ACTR3B: variants seen among roughly 807,000 people sequenced by gnomAD.
The protein encoded by ACTR3B is actin related protein 3B.
In ACTR3B, 8 loss-of-function variants were observed where a neutral mutation model predicts 59.0. The observed-to-expected ratio is 0.14, with a 90% CI of 0.08 to 0.24. ACTR3B has a LOEUF of 0.24. Ranked by LOEUF, ACTR3B falls within the 10% of genes least tolerant of loss-of-function variation. ACTR3B has a pLI of 1.00. For synonymous variants in ACTR3B, 148 were observed against 197.9 expected, an observed-to-expected ratio of 0.75 and a Z score of 2.12; for missense variants, 245 against 552.3, an observed-to-expected ratio of 0.44 and a Z score of 5.58.
intron 4 of ACTR3B, among the ~76,000 whole-genome samples, chr7:152,808,043 T>C (rs556042549): frequency 6.6e-6 from 1 of 152,166 alleles, no homozygotes; most frequent in Non-Finnish European, 1.5e-5. Flanking sequence ...CTTTACTCCT[T>C]TACCTGCCCC....
chr7:152,842,244 C>T (rs1472608661), intron 9 of ACTR3B, among the ~76,000 whole-genome samples: 1 of 152,154 alleles, frequency 6.6e-6, no homozygotes, highest in Admixed American at 6.5e-5. Flanking sequence ...AAATTAGGCA[C>T]AGTAAGAGAC....
intron 4 of ACTR3B, chr7:152,812,045 T>TTTTG (rs1795301327): frequency 1.6e-5 from 1 of 63,870 alleles, no homozygotes; most frequent in African/African-American, 4.2e-5. Context: ...TTTTTTTTTT[T>TTTTG]TTTGAGACGG....
chr7:152,807,805 C>T (rs1488764368), intron 4 of ACTR3B, among the ~76,000 whole-genome samples: 3 of 152,198 alleles, frequency 2.0e-5, no homozygotes, highest in East Asian at 1.9e-4. Flanking sequence ...TGCTCTTTTA[C>T]GTATCGTTGT....
rs904797641 is a variant in ACTR3B at position 152,852,312 on chromosome 7, C to T, written c.1077+61C>T. The stretch of plus-strand genomic sequence containing the variant: ...TATTGCCCCAGGCCTGACCGGGGCC[C>T]TCCTGACACAGAGCCGAAGGAGCTT... On this transcript the variant is annotated intron_variant, in intron 10 of 11. Transcript: ENST00000256001. The T allele has an allele frequency of 3.9e-6, 6 of 1,537,048 alleles. No homozygotes were observed. In the African/African-American group the frequency reaches 8.4e-5, roughly 21 times the overall value.
At chr7:152,828,090 G>C (rs1796720056) in intron 9 of ACTR3B, among the ~76,000 whole-genome samples, 1 of 152,144 alleles carries the variant, frequency 6.6e-6, no homozygotes, top group Middle Eastern at 3.4e-3. Context: ...ACAAAAGCAG[G>C]AGAGAGCCTG....
Position 152,759,993 on chromosome 7 carries a change from C to A in ACTR3B, c.44+67C>A, listed in dbSNP as rs963068049. The A allele has an allele frequency of 1.1e-5, 14 of 1,262,016 alleles. No homozygotes were observed. In the African/African-American group the frequency reaches 2.2e-4, roughly 20 times the overall value. The allele number at this position is 1,262,016 out of a possible 1,614,324, so 78.2% of individuals were successfully genotyped here. A position where few individuals can be genotyped will look rare whatever the true frequency, so the allele number is the denominator to read the frequency against. On this transcript the variant is annotated intron_variant, in intron 1 of 11. Transcript: ENST00000256001. ...CGCTCCCGGCCCCTGGCGTCCACCTCGCCTGGAGGTCGAGCTGCGTCCGTC... is the reference window on the plus strand; with the variant it reads ...CGCTCCCGGCCCCTGGCGTCCACCTAGCCTGGAGGTCGAGCTGCGTCCGTC...
intron 2 of ACTR3B, among the ~76,000 whole-genome samples, chr7:152,790,292 C>T (rs548748410): frequency 3.7e-4 from 56 of 152,376 alleles, no homozygotes; most frequent in African/African-American, 1.2e-3. Context: ...CCCACCTACT[C>T]TTAATAGGAG....
intron 1 of ACTR3B, among the ~76,000 whole-genome samples, chr7:152,774,912 A>C (rs1013046676): frequency 1.3e-5 from 2 of 152,192 alleles, no homozygotes; most frequent in African/African-American, 4.8e-5. Context: ...TACTTTTATC[A>C]AAGCCATATT....
rs572860707 is a variant in ACTR3B, at chr7:152,775,753, C to G, written c.45-7434C>G. Among the ~76,000 whole-genome samples, 160 of 150,328 alleles carry G rather than the reference C, an allele frequency of 1.1e-3. 1 individual carries two copies. Among genetic ancestry groups the G allele is most frequent in the Middle Eastern group, 3.4e-3 (1 of 292 alleles). The stretch of plus-strand genomic sequence containing the variant: ...CAGCCCGGGCAACAAGAGCGAAACT[C>G]CGTCTCAAAAAAAAAAAAAATTGGG... On this transcript the variant is annotated intron_variant, in intron 1 of 11. Coordinates refer to ENST00000256001, the MANE Select transcript of ACTR3B (RefSeq NM_020445.6).
chr7:152,818,277 A>C (rs2116841932), intron 6 of ACTR3B, among the ~76,000 whole-genome samples: 1 of 152,270 alleles, frequency 6.6e-6, no homozygotes. Flanking sequence ...CCCACTAAGA[A>C]AGTTGTTTGA....
At chr7:152,782,536 G>A (rs2098157880) in intron 1 of ACTR3B, among the ~76,000 whole-genome samples, 1 of 151,962 alleles carries the variant, frequency 6.6e-6, no homozygotes, top group Non-Finnish European at 1.5e-5. Flanking sequence ...ACAGAAAATG[G>A]GCTCCTTCTG....
chr7:152,804,183 G>T (rs2098245219), intron 4 of ACTR3B, among the ~76,000 whole-genome samples: 2 of 152,102 alleles, frequency 1.3e-5, no homozygotes, highest in South Asian at 4.2e-4. Context: ...TGAGCACCTG[G>T]GAACTCCACT....
chr7:152,797,115 T>A (rs977022976), intron 2 of ACTR3B, among the ~76,000 whole-genome samples: 1 of 152,044 alleles, frequency 6.6e-6, no homozygotes. Flanking sequence ...TTTTTTGATA[T>A]AGGGTCTCAC....
intron 2 of ACTR3B, among the ~76,000 whole-genome samples, chr7:152,799,046 G>T (rs2098226417): frequency 6.6e-6 from 1 of 152,140 alleles, no homozygotes; most frequent in Admixed American, 6.6e-5. Flanking sequence ...TTGGTATTTT[G>T]ATAAGGACTG....
rs866967878 is a variant in ACTR3B at position 152,783,045 on chromosome 7, T to G, written c.45-142T>G. ...TGTTTGATTCTCAGTGATCACAAGTTTTTTTTTTTTTTTTTTTAATTTCAA... is the reference window on the plus strand; with the variant it reads ...TGTTTGATTCTCAGTGATCACAAGTGTTTTTTTTTTTTTTTTTAATTTCAA... On this transcript the variant is annotated intron_variant, in intron 1 of 11. Coordinates refer to ENST00000256001, the MANE Select transcript of ACTR3B (RefSeq NM_020445.6). 1,796 of 273,330 alleles carry G rather than the reference T, an allele frequency of 6.6e-3. 34 individuals carry two copies. In the African/African-American group the frequency reaches 0.078, roughly 12 times the overall value. The allele number at this position is 273,330 out of a possible 1,614,324, so 16.9% of individuals were successfully genotyped here. A position where few individuals can be genotyped will look rare whatever the true frequency, so the allele number is the denominator to read the frequency against.
intron 2 of ACTR3B, among the ~76,000 whole-genome samples, chr7:152,796,969 C>T (rs1168090903): frequency 2.7e-5 from 4 of 147,376 alleles, no homozygotes; most frequent in Admixed American, 6.8e-5. Context: ...TTGCCTGTCT[C>T]GACCACCCAA....
At chr7:152,771,670 A>C (rs1287773520) in intron 1 of ACTR3B, among the ~76,000 whole-genome samples, 10 of 152,220 alleles carry the variant, frequency 6.6e-5, no homozygotes, top group Admixed American at 4.6e-4. Flanking sequence ...TAAAAGACAA[A>C]GTTTTCCTGG....
chr7:152,843,787 T>G (rs1236149435), intron 9 of ACTR3B, among the ~76,000 whole-genome samples: 2 of 152,216 alleles, frequency 1.3e-5, no homozygotes, highest in African/African-American at 4.8e-5. Flanking sequence ...AGTTTTGTAT[T>G]AATGTTAAGT....
intron 1 of ACTR3B, among the ~76,000 whole-genome samples, 187 bp downstream of exon 1, chr7:152,760,113 C>G (rs1016044432): frequency 2.0e-5 from 3 of 152,174 alleles, no homozygotes; most frequent in African/African-American, 7.2e-5. Flanking sequence ...ACCCCCTCTT[C>G]CCTGCCGGGA....
Sources: gnomAD v4.1 joint callset for allele counts (sites outside exome capture counted in the v4.1 genomes callset) on GRCh38, gnomAD v4.1.1 for gene constraint, MANE v1.5 for transcripts, NCBI Gene and HGNC (gene_info 2026-07-23, HGNC 2026-07-21) for gene names.